Variants in CFAP47 observed in about 807,000 individuals in gnomAD.
The protein encoded by CFAP47 is cilia- and flagella-associated protein 47.
CFAP47 carries 29 observed loss-of-function variants against 148.1 expected under a neutral mutation model. The ratio of observed to expected loss-of-function variants is 0.20; its 90% CI spans 0.15 to 0.27. CFAP47 has a LOEUF of 0.27. Ranked by LOEUF, CFAP47 falls within the 10% of genes least tolerant of loss-of-function variation. The pLI is 1.00. For synonymous variants in CFAP47, 664 were observed against 577.3 expected, an observed-to-expected ratio of 1.15 and a Z score of -2.15; for missense variants, 1,872 against 1,697.5, an observed-to-expected ratio of 1.10 and a Z score of -1.81.
chrX:35,920,070 G>C, intron 1 of CFAP47, 22 bp downstream of exon 1: 1 of 1,154,242 alleles, frequency 8.7e-7, no homozygotes, highest in Non-Finnish European at 1.2e-6. Flanking sequence ...AGGGGTGCTG[G>C]GAGCGGGACC....
At chrX:36,123,561 G>T (rs987757298) in intron 33 of CFAP47, among the ~76,000 whole-genome samples, 2 of 111,432 alleles carry the variant, frequency 1.8e-5, no homozygotes, top group Admixed American at 1.9e-4. Flanking sequence ...TTACCCTGTG[G>T]CCACAACCAC....
At chrX:36,085,566 C>T in intron 30 of CFAP47, 28 bp downstream of exon 30, 1 of 954,849 alleles carries the variant, frequency 1.0e-6, no homozygotes, top group Non-Finnish European at 1.5e-6. Context: ...CTCATATAAG[C>T]ATATAACTCT....
intron 57 of CFAP47, among the ~76,000 whole-genome samples, chrX:36,320,398 C>T (rs782066389): frequency 1.8e-5 from 2 of 111,620 alleles, no homozygotes; most frequent in Non-Finnish European, 3.8e-5. Flanking sequence ...TTTCTGTAGC[C>T]ATAGCCATTT....
chrX:36,305,880 G>T (rs186640815), intron 54 of CFAP47, among the ~76,000 whole-genome samples: 4 of 111,534 alleles, frequency 3.6e-5, no homozygotes, highest in Admixed American at 9.6e-5. Context: ...AAAAATATTA[G>T]ATGTAGATAA....
Position 35,933,786 on chromosome X carries a change from C to T in CFAP47, c.402-7497C>T, listed in dbSNP as rs184036900. 3.2e-4 allele frequency among the ~76,000 whole-genome samples: 36 copies of T among 111,863 alleles called. No homozygotes were observed. In the Admixed American group the frequency reaches 3.4e-3, roughly 11 times the overall value. ...CATTTTAATTGGGGTGAGATGATAT[C>T]TCATTGTAGTTTTGATTTGCATTTC... On this transcript the variant is annotated intron_variant, in intron 2 of 63. Transcript: ENST00000378653.
intron 49 of CFAP47, among the ~76,000 whole-genome samples, chrX:36,265,830 G>A (rs1378428248): frequency 3.6e-5 from 4 of 111,676 alleles, no homozygotes; most frequent in African/African-American, 1.3e-4. Flanking sequence ...ATCTGTGAGG[G>A]CTGATGTTCC....
intron 57 of CFAP47, among the ~76,000 whole-genome samples, chrX:36,345,790 A>G (rs1941692551): frequency 8.9e-6 from 1 of 111,732 alleles, no homozygotes; most frequent in Non-Finnish European, 1.9e-5. Context: ...TCAATACTCA[A>G]CAAATATTAA....
At chrX:36,053,763 G>A (rs1406828905) in intron 26 of CFAP47, among the ~76,000 whole-genome samples, 3 of 111,875 alleles carry the variant, frequency 2.7e-5, no homozygotes, top group African/African-American at 9.8e-5. Context: ...ATAAATATAC[G>A]ATGTTCATAA....
At chrX:36,300,464 T>C (rs1041935574) in intron 52 of CFAP47, among the ~76,000 whole-genome samples, 5 of 110,555 alleles carry the variant, frequency 4.5e-5, no homozygotes, top group African/African-American at 1.6e-4. Flanking sequence ...TAATTTTCTG[T>C]GTTTTAATGG....
chrX:36,155,317 T>C (rs1939354539), intron 37 of CFAP47, among the ~76,000 whole-genome samples: 1 of 111,865 alleles, frequency 8.9e-6, no homozygotes, highest in Non-Finnish European at 1.9e-5. Context: ...TGGTTATTCA[T>C]TCATATGTAA....
intron 57 of CFAP47, among the ~76,000 whole-genome samples, chrX:36,326,003 A>G (rs1941514766): frequency 9.0e-6 from 1 of 111,268 alleles, no homozygotes; most frequent in African/African-American, 3.3e-5. Context: ...ATGTATACCA[A>G]ATTTTCCTAG....
intron 46 of CFAP47, among the ~76,000 whole-genome samples, chrX:36,229,605 T>C (rs1569293703): frequency 1.8e-5 from 2 of 111,376 alleles, no homozygotes; most frequent in East Asian, 2.8e-4. Flanking sequence ...ATATTTATTC[T>C]TTTTTTATTT....
intron 45 of CFAP47, among the ~76,000 whole-genome samples, chrX:36,209,434 T>C (rs1235338906): frequency 8.9e-6 from 1 of 111,787 alleles, no homozygotes; most frequent in African/African-American, 3.2e-5. Context: ...GATTAGATTC[T>C]GGAAGAAAAT....
At chrX:36,220,765 C>T (rs782788787) in intron 45 of CFAP47, among the ~76,000 whole-genome samples, 3 of 111,029 alleles carry the variant, frequency 2.7e-5, no homozygotes, top group Middle Eastern at 4.7e-3. Context: ...TAAATTTACA[C>T]GTAGATAGAT....
chrX:36,114,751 C>G (rs1435182243), intron 33 of CFAP47, among the ~76,000 whole-genome samples: 1 of 111,470 alleles, frequency 9.0e-6, no homozygotes, highest in South Asian at 3.7e-4. Flanking sequence ...GAGGTGCTCC[C>G]AGACTGCTGG....
intron 40 of CFAP47, among the ~76,000 whole-genome samples, chrX:36,181,741 C>G (rs1473539950): frequency 8.9e-6 from 1 of 111,838 alleles, no homozygotes. Flanking sequence ...AACTCAGAGC[C>G]ATACATTTAA....
intron 33 of CFAP47, among the ~76,000 whole-genome samples, chrX:36,114,179 G>A (rs1938601268): frequency 9.0e-6 from 1 of 111,419 alleles, no homozygotes; most frequent in African/African-American, 3.3e-5. Flanking sequence ...AATTTTTGTA[G>A]TATGTTTTTA....
chrX:35,995,187 G>A (rs1423515787), intron 18 of CFAP47, among the ~76,000 whole-genome samples: 1 of 111,425 alleles, frequency 9.0e-6, no homozygotes, highest in Admixed American at 9.6e-5. Flanking sequence ...GTTAAGGCTT[G>A]TGTGAGAGAG....
chrX:36,382,270 A>T (rs1942084630), intron 63 of CFAP47, among the ~76,000 whole-genome samples: 1 of 111,427 alleles, frequency 9.0e-6, no homozygotes, highest in South Asian at 3.8e-4. Context: ...GAGTTTTCAC[A>T]CCTGAGAGGT....
Sources: allele counts gnomAD v4.1 joint callset (sites outside exome capture counted in the v4.1 genomes callset), GRCh38; gene constraint gnomAD v4.1.1; transcripts MANE v1.5; gene names NCBI Gene and HGNC (gene_info 2026-07-23, HGNC 2026-07-21).